Variants in ASAP1 observed in about 807,000 individuals in gnomAD.
ASAP1 encodes the protein ArfGAP with SH3 domain, ankyrin repeat and PH domain 1.
A neutral mutation model predicts 145.2 loss-of-function variants in ASAP1; 43 were observed. That is an observed-to-expected ratio of 0.30 (90% CI 0.23 to 0.38). The LOEUF (loss-of-function observed/expected upper bound fraction) is 0.38. Ranked by LOEUF, ASAP1 falls within the 10% of genes least tolerant of loss-of-function variation. The pLI, the probability that ASAP1 is intolerant of heterozygous loss-of-function variation, is 1.00. For synonymous variants in ASAP1, 546 were observed against 515.5 expected (o/e 1.06, Z -0.80); for missense variants, 1,018 against 1,355.3 (o/e 0.75, Z 3.91).
chr8:130,378,596 G>A (rs553710926), intron 2 of ASAP1, among the ~76,000 whole-genome samples: 14 of 152,364 alleles, frequency 9.2e-5, no homozygotes, highest in Non-Finnish European at 1.5e-4. Context: ...AAGGGTGGCC[G>A]AGGAAGACCT....
At chr8:130,344,754 C>T (rs77380857) in intron 3 of ASAP1, among the ~76,000 whole-genome samples, 3,964 of 152,070 alleles carry the variant, frequency 0.026, 61 homozygotes, top group Middle Eastern at 0.044. Context: ...AACAAACAAA[C>T]AAACAAACAA....
At chr8:130,146,016 G>GTTTTT (rs376317332) in intron 13 of ASAP1, among the ~76,000 whole-genome samples, 2 of 123,676 alleles carry the variant, frequency 1.6e-5, no homozygotes, top group African/African-American at 6.0e-5. Context: ...TAAGTTTTGT[G>GTTTTT]TTTTTTTTTT....
chr8:130,189,169 C>T (rs949202042), intron 5 of ASAP1, among the ~76,000 whole-genome samples: 5 of 152,126 alleles, frequency 3.3e-5, no homozygotes, highest in African/African-American at 1.2e-4. Context: ...TGTGCTAGAA[C>T]ATTTCAATTC....
intron 1 of ASAP1, among the ~76,000 whole-genome samples, chr8:130,408,959 G>T (rs1829149602): frequency 6.6e-6 from 1 of 152,100 alleles, no homozygotes; most frequent in African/African-American, 2.4e-5. Context: ...GTTCATAGAG[G>T]TAAGTCAAAT....
chr8:130,292,851 T>C (rs191333820), intron 3 of ASAP1, among the ~76,000 whole-genome samples: 1 of 152,334 alleles, frequency 6.6e-6, no homozygotes, highest in East Asian at 1.9e-4. Context: ...TTATTACCTG[T>C]AAAGCAGAGA....
chr8:130,125,259 A>C (rs914444758), intron 17 of ASAP1, among the ~76,000 whole-genome samples: 5 of 152,102 alleles, frequency 3.3e-5, no homozygotes, highest in Admixed American at 3.3e-4. Context: ...TTTGTCCAGT[A>C]GGCATCCTAC....
At chr8:130,256,933 A>G (rs1019625391) in intron 3 of ASAP1, among the ~76,000 whole-genome samples, 2 of 151,426 alleles carry the variant, frequency 1.3e-5, no homozygotes, top group African/African-American at 4.8e-5. Context: ...GTGTGTTTCC[A>G]TTTCCAATCC....
intron 1 of ASAP1, among the ~76,000 whole-genome samples, chr8:130,423,086 A>T (rs1190859231): frequency 6.6e-6 from 1 of 152,152 alleles, no homozygotes; most frequent in East Asian, 1.9e-4. Context: ...GTCAGTTTAC[A>T]ACAACTATTA....
chr8:130,409,665 T>C (rs1371008270), intron 1 of ASAP1, among the ~76,000 whole-genome samples: 1 of 152,216 alleles, frequency 6.6e-6, no homozygotes, highest in African/African-American at 2.4e-5. Context: ...CCGAGGCTGC[T>C]GGACCTTAGC....
chr8:130,298,060 T>C (rs920077958), intron 3 of ASAP1, among the ~76,000 whole-genome samples: 8 of 152,194 alleles, frequency 5.3e-5, no homozygotes, highest in Non-Finnish European at 1.2e-4. Context: ...TTGCTAAACA[T>C]GGGTGTTGGA....
chr8:130,331,294 A>G (rs1824672840), intron 3 of ASAP1, among the ~76,000 whole-genome samples: 1 of 152,316 alleles, frequency 6.6e-6, no homozygotes, highest in East Asian at 1.9e-4. Flanking sequence ...TCTTAGATCC[A>G]TCCTTCTGAA....
At chr8:130,321,085 C>T (rs1396538214) in intron 3 of ASAP1, among the ~76,000 whole-genome samples, 1 of 152,106 alleles carries the variant, frequency 6.6e-6, no homozygotes, top group Non-Finnish European at 1.5e-5. Flanking sequence ...GATTCCAAGA[C>T]ACAATAAGTT....
At chr8:130,174,575 G>C (rs747757990) in intron 9 of ASAP1, among the ~76,000 whole-genome samples, 1 of 152,168 alleles carries the variant, frequency 6.6e-6, no homozygotes, top group Non-Finnish European at 1.5e-5. Context: ...CATGCAACTA[G>C]GTTCAGAACT....
At chr8:130,176,817 A>G (rs1242243393) in intron 9 of ASAP1, among the ~76,000 whole-genome samples, 2 of 151,784 alleles carry the variant, frequency 1.3e-5, no homozygotes, top group Non-Finnish European at 2.9e-5. Flanking sequence ...CAGCCTCCCA[A>G]GTAGCTGGGA....
At chr8:130,063,760 T>C (rs1021069496) in intron 27 of ASAP1, among the ~76,000 whole-genome samples, 4 of 152,218 alleles carry the variant, frequency 2.6e-5, no homozygotes, top group Middle Eastern at 3.4e-3. Flanking sequence ...AGTTCAGACT[T>C]ACAGGAAAAG....
At chr8:130,262,419 AGAGAGAGAGAG>A (rs1749995055) in intron 3 of ASAP1, among the ~76,000 whole-genome samples, 13 of 29,552 alleles carry the variant, frequency 4.4e-4, no homozygotes, top group African/African-American at 8.1e-4. Flanking sequence ...AAAAAAAAAG[AGAGAGAGAGAG>A]AGAGAGAGAG....
intron 3 of ASAP1, among the ~76,000 whole-genome samples, chr8:130,345,392 G>C (rs1422100176): frequency 2.0e-5 from 3 of 152,210 alleles, no homozygotes; most frequent in Non-Finnish European, 2.9e-5. Flanking sequence ...CAACTCGAAA[G>C]AAACAAGTCA....
intron 2 of ASAP1, among the ~76,000 whole-genome samples, chr8:130,394,789 G>A (rs115244976): frequency 0.045 from 6,794 of 152,168 alleles, 153 homozygotes; most frequent in Middle Eastern, 0.075. Flanking sequence ...AAGAACCTAC[G>A]TGACTATCAG....
intron 16 of ASAP1, among the ~76,000 whole-genome samples, chr8:130,126,589 T>A (rs1315723429): frequency 2.0e-5 from 3 of 152,230 alleles, no homozygotes; most frequent in Non-Finnish European, 2.9e-5. Context: ...AGGCCTTTTT[T>A]CTACAACCTC....
Sources: allele counts gnomAD v4.1 joint callset (sites outside exome capture counted in the v4.1 genomes callset), GRCh38; gene constraint gnomAD v4.1.1; transcripts MANE v1.5; gene names NCBI Gene and HGNC (gene_info 2026-07-23, HGNC 2026-07-21).